Variants in ZNF398 observed in about 807,000 individuals in gnomAD.
ZNF398 encodes zinc finger DNA binding protein ZER6.
In ZNF398, 18 loss-of-function variants were observed where a neutral mutation model predicts 41.9. The ratio of observed to expected loss-of-function variants is 0.43; its 90% CI spans 0.30 to 0.64. The LOEUF is 0.64. Among genes scored for constraint, ZNF398 ranks in the 30% least tolerant of loss-of-function variants. The probability of loss-of-function intolerance (pLI) is 0.14; values close to 1 mark genes in which losing one functional copy is unlikely to be tolerated. For synonymous variants in ZNF398, 260 were observed against 308.8 expected (o/e 0.84, Z 1.66); for missense variants, 669 against 822.8 (o/e 0.81, Z 2.29).
At chr7:149,139,319 A>C (rs1826776287) in intron 2 of ZNF398, among the ~76,000 whole-genome samples, 1 of 151,956 alleles carries the variant, frequency 6.6e-6, no homozygotes, top group Non-Finnish European at 1.5e-5. Flanking sequence ...TGGGCCTCCT[A>C]AAGTGCTGGG....
At chr7:149,167,970 G>C (rs1414650697) in intron 4 of ZNF398, among the ~76,000 whole-genome samples, 2 of 151,944 alleles carry the variant, frequency 1.3e-5, no homozygotes, top group African/African-American at 4.8e-5. Flanking sequence ...TATTTTTATA[G>C]TGAACACCTG....
At chr7:149,165,728 T>G (rs1377761209) in intron 2 of ZNF398, among the ~76,000 whole-genome samples, 1 of 152,170 alleles carries the variant, frequency 6.6e-6, no homozygotes, top group Non-Finnish European at 1.5e-5. Context: ...AACTCTGTAC[T>G]TGGCAAAAGA....
chr7:149,165,160 A>G (rs763247223), intron 2 of ZNF398, among the ~76,000 whole-genome samples: 54 of 152,154 alleles, frequency 3.5e-4, no homozygotes, highest in Non-Finnish European at 6.0e-4. Flanking sequence ...TTGACCTGGA[A>G]TAGTAAATCA....
In ZNF398 at chr7:149,150,705, G is replaced by GC. The variant is rs1375398300; in HGVS notation, c.24+2946dup. Among the ~76,000 whole-genome samples, 252 of 98,900 alleles carry GC rather than the reference G, an allele frequency of 2.5e-3. 1 individual carries two copies. The highest frequency in any genetic ancestry group is 3.3e-3 in the Non-Finnish European group (154 of 47,130). The allele number at this position is 98,900 out of a possible 152,430, so 64.9% of individuals were successfully genotyped here. A position where few individuals can be genotyped will look rare whatever the true frequency, so the allele number is the denominator to read the frequency against. ...CAGGTGATTCTTCCCCGCCTCCCGC[G>GC]CCCCCCCGCCTCCCCTCCTGCCCTA... is the stretch of plus-strand genomic sequence containing the variant. On this transcript the variant is annotated intron_variant, in intron 1 of 5. Coordinates refer to ENST00000475153, the MANE Select transcript of ZNF398 (RefSeq NM_170686.3).
At chr7:149,142,494 C>A, upstream of ZNF398, among the ~76,000 whole-genome samples, 1 of 152,052 alleles carries the variant, frequency 6.6e-6, no homozygotes, top group East Asian at 1.9e-4. Context: ...GGTGAAACCC[C>A]GTCTCTACTA....
intron 4 of ZNF398, among the ~76,000 whole-genome samples, chr7:149,173,224 C>T (rs2129521571): frequency 6.6e-6 from 1 of 151,156 alleles, no homozygotes; most frequent in East Asian, 1.9e-4. Context: ...CTTGCCCCGG[C>T]CTCCTGAGTA....
intron 2 of ZNF398, among the ~76,000 whole-genome samples, chr7:149,138,690 T>G (rs1826763951): frequency 6.6e-6 from 1 of 152,068 alleles, no homozygotes; most frequent in African/African-American, 2.4e-5. Context: ...TAAAAGAAGC[T>G]CACAAAGATA....
intron 2 of ZNF398, among the ~76,000 whole-genome samples, chr7:149,133,678 T>TATATATATATATATATATATACACACAC (rs1483673161): frequency 6.0e-5 from 4 of 67,010 alleles, no homozygotes; most frequent in African/African-American, 2.4e-4. Context: ...TATATATATA[T>TATATATATATATATATATATACACACAC]ACATATATAT....
chr7:149,163,202 G>C (rs200650487), intron 2 of ZNF398, among the ~76,000 whole-genome samples: 2 of 130,170 alleles, frequency 1.5e-5, no homozygotes, highest in African/African-American at 5.7e-5. Flanking sequence ...TGTTTTGTTT[G>C]TTTGTTTGTT....
At chr7:149,151,507 C>T (rs1164345262) in intron 1 of ZNF398, among the ~76,000 whole-genome samples, 1 of 152,022 alleles carries the variant, frequency 6.6e-6, no homozygotes, top group Non-Finnish European at 1.5e-5. Flanking sequence ...CATCCTAGTC[C>T]AACTTATTTG....
intron 2 of ZNF398, among the ~76,000 whole-genome samples, chr7:149,160,025 C>T (rs1205983826): frequency 6.6e-6 from 1 of 152,036 alleles, no homozygotes; most frequent in East Asian, 1.9e-4. Context: ...CGGGCCCAGC[C>T]AGTGTGAAAC....
At chr7:149,134,064 C>CTT (rs143211105) in intron 2 of ZNF398, among the ~76,000 whole-genome samples, 88 of 128,524 alleles carry the variant, frequency 6.8e-4, no homozygotes, top group African/African-American at 2.3e-3. Context: ...CTGTTTTTGT[C>CTT]TTTTTTTTTT....
chr7:149,155,723 T>TA (rs1563159549), intron 2 of ZNF398, among the ~76,000 whole-genome samples: 81 of 43,222 alleles, frequency 1.9e-3, no homozygotes, highest in African/African-American at 3.0e-3. Context: ...TTTTTTTTTT[T>TA]TTTTTTAATT....
chr7:149,166,435 C>A, intron 3 of ZNF398, 151 bp downstream of exon 3: 1 of 928,336 alleles, frequency 1.1e-6, no homozygotes, highest in East Asian at 2.6e-5. Context: ...TTAATGCTTG[C>A]TAACTAGGAA....
chr7:149,174,868 A>G (rs1795428735), intron 4 of ZNF398, among the ~76,000 whole-genome samples: 1 of 152,192 alleles, frequency 6.6e-6, no homozygotes, highest in South Asian at 2.1e-4. Context: ...TTGAATGGAA[A>G]GTTAATCCTC....
At chr7:149,145,281 C>G (rs1040363019), upstream of ZNF398, among the ~76,000 whole-genome samples, 50 of 152,306 alleles carry the variant, frequency 3.3e-4, no homozygotes, top group African/African-American at 1.2e-3. Context: ...TATCCTATCA[C>G]CACACACATG....
Position 149,179,386 on chromosome 7 carries a change from A to G in ZNF398, c.1514A>G (p.His505Arg). The stretch of plus-strand genomic sequence containing the variant: ...GCCCTGATCCGCCACCAGATGATCC[A>G]CACAGGCGAGCGTCCTTACCCCTGC... ...HSALIRHQMI[H>R]TGERPYPCTD... Residue 505 changes from histidine (H) to arginine (R), a missense_variant, in exon 6 of 6, where the codon CAC (histidine) becomes CGC (arginine). His to Arg is a conservative substitution (Grantham distance 29). Around this residue, in one of 3 missense-constraint regions of ZNF398, gnomAD observed 210 missense variants for 290.4 expected, o/e 0.72. Coordinates refer to ENST00000475153, the MANE Select transcript of ZNF398 (RefSeq NM_170686.3). The surrounding 1 kb of genome is among the most constrained non-coding windows in gnomAD (Gnocchi z 6.1). The G allele has an allele frequency of 6.2e-7, 1 of 1,613,776 alleles. No homozygotes were observed. Among genetic ancestry groups the G allele is most frequent in the East Asian group, 2.2e-5 (1 of 44,886 alleles).
At chr7:149,166,011 T>A (rs931368274) in intron 2 of ZNF398, 147 bp from the exon 3 acceptor site, 1 of 927,138 alleles carries the variant, frequency 1.1e-6, no homozygotes, top group East Asian at 2.6e-5. Context: ...AAGTGAAGCA[T>A]TAAAAGAAAC....
chr7:149,135,668 A>G (rs1414362534), intron 2 of ZNF398, among the ~76,000 whole-genome samples: 1 of 151,966 alleles, frequency 6.6e-6, no homozygotes, highest in East Asian at 1.9e-4. Context: ...GAATAATAAT[A>G]ATAGTCCGGG....
Sources: gnomAD v4.1 joint callset for allele counts (sites outside exome capture counted in the v4.1 genomes callset) on GRCh38, gnomAD v4.1.1 for gene constraint, gnomAD v4.1.1 regional missense constraint, Gnocchi (gnomAD v3.1) non-coding constraint, MANE v1.5 for transcripts, NCBI Gene and HGNC (gene_info 2026-07-23, HGNC 2026-07-21) for gene names.